CNTNAP2: variants seen among roughly 807,000 people sequenced by gnomAD.
The protein encoded by CNTNAP2 is contactin associated protein 2.
In CNTNAP2, 98 loss-of-function variants were observed where a neutral mutation model predicts 155.2. The observed-to-expected ratio is 0.63, with a 90% CI of 0.54 to 0.75. The LOEUF (loss-of-function observed/expected upper bound fraction) is 0.75, where lower values mean the gene tolerates loss of function less well. CNTNAP2 is among the 30% of genes least tolerant of loss of function. The probability of loss-of-function intolerance (pLI) is 0.00; values close to 1 mark genes in which losing one functional copy is unlikely to be tolerated. For missense variants in CNTNAP2, 1,727 were observed against 1,688.1 expected (o/e 1.02, Z -0.40); for synonymous variants, 651 against 631.2 (o/e 1.03, Z -0.47).
At chr7:147,712,150 C>T (rs1202715129) in intron 13 of CNTNAP2, among the ~76,000 whole-genome samples, 1 of 152,146 alleles carries the variant, frequency 6.6e-6, no homozygotes, top group Non-Finnish European at 1.5e-5. Context: ...AAAAAATGCT[C>T]ATCATCGCTG....
At chr7:147,338,319 T>G (rs1036024989) in intron 9 of CNTNAP2, among the ~76,000 whole-genome samples, 16 of 147,342 alleles carry the variant, frequency 1.1e-4, no homozygotes, top group Non-Finnish European at 1.0e-4. Flanking sequence ...TTTAAAAACT[T>G]GAAATTTTTA....
Position 146,176,390 on chromosome 7 carries a change from G to A in CNTNAP2, c.97+59417G>A, listed in dbSNP as rs138291680. On this transcript the variant is annotated intron_variant, in intron 1 of 23. Transcript: ENST00000361727. ...CTGGAGGCGTAAAGGATAGTAAAAGGAAGAAAAATAATTTAGCTTTCAGAA... is the reference window on the plus strand; with the variant it reads ...CTGGAGGCGTAAAGGATAGTAAAAGAAAGAAAAATAATTTAGCTTTCAGAA... 7.9e-5 allele frequency among the ~76,000 whole-genome samples: 12 copies of A among 152,266 alleles called. No homozygotes were observed. In the East Asian group the frequency reaches 2.1e-3, roughly 27 times the overall value.
At chr7:147,179,115 C>T (rs974802532) in intron 8 of CNTNAP2, among the ~76,000 whole-genome samples, 3 of 152,070 alleles carry the variant, frequency 2.0e-5, no homozygotes, top group South Asian at 2.1e-4. Flanking sequence ...TGTTAAGTGC[C>T]GTCTTAAGAG....
rs147748122 is a variant in CNTNAP2, at chr7:146,961,078, A to G, written c.403-82829A>G. Reference sequence around the variant, plus strand: ...CAATTACATTTATCATGAGAAATTAATCCTTGAGGGATCAATGATGCGTGC... The same window carrying G: ...CAATTACATTTATCATGAGAAATTAGTCCTTGAGGGATCAATGATGCGTGC... On this transcript the variant is annotated intron_variant, in intron 3 of 23. Coordinates refer to ENST00000361727, the MANE Select transcript of CNTNAP2 (RefSeq NM_014141.6). Among the ~76,000 whole-genome samples the G allele has an allele frequency of 2.0e-5, 3 of 152,356 alleles. No individual in the cohort carries two copies. In the East Asian group the frequency reaches 5.8e-4, roughly 29 times the overall value.
intron 1 of CNTNAP2, among the ~76,000 whole-genome samples, chr7:146,390,749 T>C (rs1446789704): frequency 2.0e-5 from 3 of 148,454 alleles, no homozygotes; most frequent in Admixed American, 6.8e-5. Context: ...AACTAATATA[T>C]ATTATTATAT....
intron 1 of CNTNAP2, among the ~76,000 whole-genome samples, chr7:146,297,951 G>A (rs1800542828): frequency 6.6e-6 from 1 of 152,034 alleles, no homozygotes; most frequent in Non-Finnish European, 1.5e-5. Context: ...ACAAATATGT[G>A]TATTTTGTTT....
chr7:147,349,836 G>A (rs551794072), intron 9 of CNTNAP2, among the ~76,000 whole-genome samples: 2 of 151,914 alleles, frequency 1.3e-5, no homozygotes, highest in Non-Finnish European at 2.9e-5. Context: ...GAAGATATAT[G>A]TTGAGAGATG....
chr7:146,506,018 T>C (rs1050775137), intron 1 of CNTNAP2, among the ~76,000 whole-genome samples: 7 of 152,202 alleles, frequency 4.6e-5, no homozygotes, highest in Non-Finnish European at 2.9e-5. Context: ...ATATGGAACC[T>C]CCACTTTATG....
At chr7:147,599,945 G>A (rs1800912345) in intron 12 of CNTNAP2, among the ~76,000 whole-genome samples, 1 of 152,128 alleles carries the variant, frequency 6.6e-6, no homozygotes, top group African/African-American at 2.4e-5. Flanking sequence ...GTTATATCAG[G>A]TAATACCATT....
At chr7:147,632,321 A>G (rs1795100213) in intron 12 of CNTNAP2, among the ~76,000 whole-genome samples, 1 of 152,078 alleles carries the variant, frequency 6.6e-6, no homozygotes, top group Non-Finnish European at 1.5e-5. Context: ...CCCAAATCTC[A>G]TCTTGAATTG....
intron 1 of CNTNAP2, among the ~76,000 whole-genome samples, chr7:146,679,369 G>GTTTA (rs1563185212): frequency 5.2e-5 from 1 of 19,264 alleles, no homozygotes; most frequent in African/African-American, 1.2e-4. Flanking sequence ...TTTTTTTTTG[G>GTTTA]AGACAGAGTC....
At chr7:148,172,649 A>G (rs557727548) in intron 18 of CNTNAP2, among the ~76,000 whole-genome samples, 171 bp downstream of exon 18, 1 of 152,254 alleles carries the variant, frequency 6.6e-6, no homozygotes, top group East Asian at 1.9e-4. Flanking sequence ...TTTCCTAATC[A>G]TTTTTGTTTG....
intron 11 of CNTNAP2, among the ~76,000 whole-genome samples, chr7:147,490,747 A>G (rs1489224516): frequency 6.6e-6 from 1 of 152,154 alleles, no homozygotes; most frequent in Non-Finnish European, 1.5e-5. Context: ...CACTGCTATA[A>G]AGTAATACCA....
intron 1 of CNTNAP2, among the ~76,000 whole-genome samples, chr7:146,122,348 A>G (rs193279051): frequency 2.3e-4 from 35 of 152,346 alleles, no homozygotes; most frequent in African/African-American, 8.2e-4. Context: ...AATAAGGTTA[A>G]TGAATCCCAC....
intron 15 of CNTNAP2, among the ~76,000 whole-genome samples, chr7:148,071,233 T>G (rs1227443032): frequency 6.6e-6 from 1 of 152,116 alleles, no homozygotes; most frequent in Non-Finnish European, 1.5e-5. Context: ...TCCCAGCACT[T>G]TCAGAGGCCG....
chr7:148,388,650 T>C (rs1204641628), intron 22 of CNTNAP2, among the ~76,000 whole-genome samples: 9 of 152,120 alleles, frequency 5.9e-5, no homozygotes, highest in Admixed American at 5.2e-4. Context: ...GTTTTTTCCC[T>C]ATCTTTGTGG....
chr7:146,580,848 A>G lies in CNTNAP2; in HGVS notation c.98-193423A>G, dbSNP rs572332758. Reference sequence around the variant, plus strand: ...GGTCAGTCTGTGCCTGGAAAATAGCAGTGGGTAGTTAATAAATGCTGAATA... The same window carrying G: ...GGTCAGTCTGTGCCTGGAAAATAGCGGTGGGTAGTTAATAAATGCTGAATA... On this transcript the variant is annotated intron_variant, in intron 1 of 23. Transcript: ENST00000361727. Among the ~76,000 whole-genome samples the G allele has an allele frequency of 2.0e-5, 3 of 152,232 alleles. No individual in the cohort carries two copies. In the South Asian group the frequency reaches 6.2e-4, roughly 32 times the overall value.
intron 10 of CNTNAP2, among the ~76,000 whole-genome samples, chr7:147,436,136 G>A (rs1797544399): frequency 6.6e-6 from 1 of 152,106 alleles, no homozygotes. Flanking sequence ...AAGATTATAA[G>A]CTACTAGAAG....
chr7:148,383,531 T>A, intron 21 of CNTNAP2, 118 bp from the exon 22 acceptor site: 1 of 1,427,920 alleles, frequency 7.0e-7, no homozygotes, highest in South Asian at 1.2e-5. Flanking sequence ...CAAAACAATG[T>A]AACATCTTAA....
Sources: gnomAD v4.1 joint callset for allele counts (sites outside exome capture counted in the v4.1 genomes callset) on GRCh38, gnomAD v4.1.1 for gene constraint, MANE v1.5 for transcripts, NCBI Gene and HGNC (gene_info 2026-07-23, HGNC 2026-07-21) for gene names.